The following ACSBG1 variants were observed in gnomAD, a reference collection of about 807,000 sequenced individuals.
ACSBG1 encodes the protein acyl-CoA synthetase bubblegum family member 1, also known as long-chain-fatty-acid--CoA ligase ACSBG1.
ACSBG1 carries 39 observed loss-of-function variants against 80.2 expected under a neutral mutation model. The observed-to-expected ratio is 0.49, with a 90% CI of 0.38 to 0.64. The LOEUF (loss-of-function observed/expected upper bound fraction) is 0.64, where lower values mean the gene tolerates loss of function less well. ACSBG1 is among the 30% of genes least tolerant of loss of function. The pLI, the probability that ACSBG1 is intolerant of heterozygous loss-of-function variation, is 0.00. For synonymous variants in ACSBG1, 392 were observed against 379.5 expected, an observed-to-expected ratio of 1.03 and a Z score of -0.38; for missense variants, 828 against 966.4, an observed-to-expected ratio of 0.86 and a Z score of 1.90.
chr15:78,211,611 T>G (rs1161827190), intron 1 of ACSBG1, among the ~76,000 whole-genome samples: 1 of 152,176 alleles, frequency 6.6e-6, no homozygotes, highest in Non-Finnish European at 1.5e-5. Context: ...CCCAGCAGCA[T>G]GGGAACAAGA....
Position 78,202,615 on chromosome 15 carries a change from G to C in ACSBG1, c.232+5387C>G, listed in dbSNP as rs1399223917. ...ATCTCCTAACCTCCCTCTCTCCCTAGGTTTCTCCTAAAAGGAAAGAACTTG... is the reference window on the plus strand; with the variant it reads ...ATCTCCTAACCTCCCTCTCTCCCTACGTTTCTCCTAAAAGGAAAGAACTTG... On this transcript the variant is annotated intron_variant, in intron 2 of 13. Transcript: ENST00000258873. Among the ~76,000 whole-genome samples the C allele has an allele frequency of 2.0e-5, 3 of 152,042 alleles. No homozygotes were observed. The East Asian group carries it at 5.8e-4, about 29-fold the overall frequency.
At chr15:78,174,175 T>C (rs2074857995) in intron 12 of ACSBG1, among the ~76,000 whole-genome samples, 2 of 152,166 alleles carry the variant, frequency 1.3e-5, no homozygotes, top group Non-Finnish European at 2.9e-5. Flanking sequence ...GCCAGTAACA[T>C]GTAAAGGATC....
intron 8 of ACSBG1, 35 bp from the exon 9 acceptor site, chr15:78,180,971 AG>A (rs149309741): frequency 6.3e-7 from 1 of 1,597,170 alleles, no homozygotes; most frequent in Non-Finnish European, 8.6e-7. Context: ...CTGTTGGGTC[AG>A]GGGCATCTGG....
intron 1 of ACSBG1, chr15:78,226,462 C>G (rs1011423707): frequency 6.5e-6 from 1 of 152,750 alleles, no homozygotes; most frequent in South Asian, 2.0e-4. Flanking sequence ...TACCTGATTT[C>G]AAGATTTAGT....
Position 78,201,062 on chromosome 15 carries a change from G to A in ACSBG1, c.233-6336C>T, listed in dbSNP as rs72732588. On this transcript the variant is annotated intron_variant, in intron 2 of 13. Coordinates refer to ENST00000258873, the MANE Select transcript of ACSBG1 (RefSeq NM_015162.5). ...CTCCATCACATGCCCACACTTTACC[G>A]CTCTTCAAGGACCACGTGTTGCCTC... Among the ~76,000 whole-genome samples the A allele has an allele frequency of 2.9e-3, 434 of 152,154 alleles. 2 individuals are homozygous for A. Among genetic ancestry groups the A allele is most frequent in the Non-Finnish European group, 4.9e-3 (335 of 67,998 alleles).
intron 2 of ACSBG1, among the ~76,000 whole-genome samples, chr15:78,201,701 C>T (rs188141604): frequency 1.3e-5 from 2 of 152,358 alleles, no homozygotes; most frequent in Admixed American, 1.3e-4. Context: ...GTGTCCTCTG[C>T]CAATCTCCCT....
chr15:78,200,983 T>C (rs2075162376), intron 2 of ACSBG1, among the ~76,000 whole-genome samples: 1 of 152,310 alleles, frequency 6.6e-6, no homozygotes, highest in East Asian at 1.9e-4. Flanking sequence ...TTCCCTTTGG[T>C]TCCCCGTCTC....
At position 78,182,293 on chromosome 15, in the gene ACSBG1, C is replaced by G. The variant is rs576486030; in HGVS notation, c.895-148G>C. On this transcript the variant is annotated intron_variant, in intron 7 of 13. Transcript: ENST00000258873. ...GAAAACCCCAGGACAGGCCTCCCCTCCCCCTTGCTGAGCTCAGTCTGGGCC... is the reference window on the plus strand; with the variant it reads ...GAAAACCCCAGGACAGGCCTCCCCTGCCCCTTGCTGAGCTCAGTCTGGGCC... 10 of 1,316,910 alleles carry G rather than the reference C, an allele frequency of 7.6e-6. No individual in the cohort carries two copies. In the East Asian group the frequency reaches 2.3e-4, roughly 30 times the overall value. The allele number at this position is 1,316,910 out of a possible 1,614,324, so 81.6% of individuals were successfully genotyped here. A position where few individuals can be genotyped will look rare whatever the true frequency, so the allele number is the denominator to read the frequency against.
chr15:78,208,417 G>A (rs764322859), intron 1 of ACSBG1, among the ~76,000 whole-genome samples: 2 of 152,130 alleles, frequency 1.3e-5, no homozygotes, highest in African/African-American at 2.4e-5. Context: ...CTCTCTCGGG[G>A]TCTCAGCACC....
chr15:78,190,314 T>C (rs1595887313), intron 5 of ACSBG1, among the ~76,000 whole-genome samples: 2 of 151,522 alleles, frequency 1.3e-5, no homozygotes, highest in South Asian at 2.1e-4. Context: ...CCCACAAACA[T>C]TGTTATTACT....
chr15:78,193,991 G>A lies in ACSBG1; in HGVS notation c.483C>T (p.Ala161=). ...KLGLKQAHSV[A]ILGFNSPEWF... is the part of the protein sequence containing the mutation. The stretch of plus-strand genomic sequence containing the variant: ...ACTCCGGGGAGTTGAAGCCGAGGAT[G>A]GCCACACTGTGGGCCTGCTTCAGGC... Residue 161 remains alanine, a synonymous_variant, in exon 4 of 14, where the codon GCC becomes GCT. Coordinates refer to ENST00000258873, the MANE Select transcript of ACSBG1 (RefSeq NM_015162.5). 1 of 1,614,014 alleles carries A rather than the reference G, an allele frequency of 6.2e-7. No individual in the cohort carries two copies. The highest frequency in any genetic ancestry group is 8.5e-7 in the Non-Finnish European group (1 of 1,180,010).
intron 5 of ACSBG1, 106 bp from the exon 6 acceptor site, chr15:78,182,891 C>T: frequency 8.0e-7 from 1 of 1,252,108 alleles, no homozygotes; most frequent in African/African-American, 1.5e-5. Context: ...TCTCTGGGTG[C>T]CCCGTCTCTG....
chr15:78,221,830 C>G (rs1366223971), intron 1 of ACSBG1, among the ~76,000 whole-genome samples: 2 of 152,200 alleles, frequency 1.3e-5, no homozygotes, highest in African/African-American at 4.8e-5. Flanking sequence ...ATATTGTTAA[C>G]AAGGCACATC....
intron 1 of ACSBG1, among the ~76,000 whole-genome samples, chr15:78,231,827 A>C (rs1236230328): frequency 1.3e-5 from 2 of 152,176 alleles, no homozygotes; most frequent in Non-Finnish European, 2.9e-5. Context: ...GCACTCAAGC[A>C]ATCTTCCTTC....
chr15:78,194,218 G>A (rs915755217), intron 3 of ACSBG1, among the ~76,000 whole-genome samples, 198 bp from the exon 4 acceptor site: 4 of 152,212 alleles, frequency 2.6e-5, no homozygotes, highest in South Asian at 2.1e-4. Context: ...CCTTCCCAGC[G>A]AGTCTGTCCG....
At chr15:78,179,825 A>G in intron 9 of ACSBG1, 45 bp from the exon 10 acceptor site, 1 of 1,284,674 alleles carries the variant, frequency 7.8e-7, no homozygotes, top group South Asian at 1.3e-5. Flanking sequence ...TCACACACAC[A>G]CACACACACA....
At position 78,182,195 on chromosome 15, in the gene ACSBG1, C is replaced by T. The variant is rs114175977; in HGVS notation, c.895-50G>A. 995 of 1,582,062 alleles carry T rather than the reference C, an allele frequency of 6.3e-4. 7 individuals carry two copies. The African/African-American group carries it at 0.012, about 19-fold the overall frequency. Reference sequence around the variant, plus strand: ...AGCAGTGTCCACAAGCCAGCCCTGGCGGTGCTCACAACTGTGGCCACCCTG... The same window carrying T: ...AGCAGTGTCCACAAGCCAGCCCTGGTGGTGCTCACAACTGTGGCCACCCTG... On this transcript the variant is annotated intron_variant, in intron 7 of 13. Transcript: ENST00000258873.
intron 1 of ACSBG1, among the ~76,000 whole-genome samples, chr15:78,222,508 A>C (rs2075366980): frequency 6.6e-6 from 1 of 152,038 alleles, no homozygotes; most frequent in South Asian, 2.1e-4. Context: ...ACAAATAATA[A>C]AAAAATTAGC....
chr15:78,209,586 C>G (rs956067665), intron 1 of ACSBG1, among the ~76,000 whole-genome samples: 2 of 152,116 alleles, frequency 1.3e-5, no homozygotes, highest in Non-Finnish European at 2.9e-5. Flanking sequence ...CACTTTGGGC[C>G]GCAATGTTAC....
Sources: allele counts gnomAD v4.1 joint callset (sites outside exome capture counted in the v4.1 genomes callset), GRCh38; gene constraint gnomAD v4.1.1; transcripts MANE v1.5; gene names NCBI Gene and HGNC (gene_info 2026-07-23, HGNC 2026-07-21).